NDUFA9: variants seen among roughly 807,000 people sequenced by gnomAD.
NDUFA9 encodes NADH:ubiquinone oxidoreductase subunit A9.
In NDUFA9, 23 loss-of-function variants were observed where a neutral mutation model predicts 45.9. That is an observed-to-expected ratio of 0.50 (90% CI 0.36 to 0.71). The LOEUF is 0.71. Ranked by LOEUF, NDUFA9 falls within the 30% of genes least tolerant of loss-of-function variation. The pLI, the probability that NDUFA9 is intolerant of heterozygous loss-of-function variation, is 0.00. For missense variants in NDUFA9, 466 were observed against 488.2 expected (o/e 0.95, Z 0.43); for synonymous variants, 176 against 170.5 (o/e 1.03, Z -0.25).
intron 8 of NDUFA9, among the ~76,000 whole-genome samples, chr12:4,679,137 G>A (rs544248741): frequency 6.6e-6 from 1 of 152,132 alleles, no homozygotes; most frequent in Non-Finnish European, 1.5e-5. Flanking sequence ...TCAAAAACAT[G>A]GTAAATGAAA....
chr12:4,684,987 T>C, intron 9 of NDUFA9: 1 of 600,394 alleles, frequency 1.7e-6, no homozygotes, highest in South Asian at 2.0e-5. Flanking sequence ...TGTTGTTTGT[T>C]GGTTTTATTT....
chr12:4,690,734 A>ATAC lies in NDUFA9; in HGVS notation c.*3628_*3629insCTA, dbSNP rs1274074658. On this transcript the variant is annotated 3_prime_UTR_variant, in exon 11 of 11. Transcript: ENST00000266544. Reference sequence around the variant, plus strand: ...AAAATAAATAATAATAATAATAATAATAAAGGTACATGATGGAAGCATATA... The same window carrying ATAC: ...AAAATAAATAATAATAATAATAATAATACTAAAGGTACATGATGGAAGCATATA... 6.6e-6 allele frequency: 1 copy of ATAC among 151,998 alleles called. No homozygotes were observed. Among genetic ancestry groups the ATAC allele is most frequent in the Non-Finnish European group, 1.5e-5 (1 of 68,026 alleles). 9.4% of individuals were successfully genotyped at this position (151,998 alleles called of 1,614,324 possible). A position where few individuals can be genotyped will look rare whatever the true frequency, so the allele number is the denominator to read the frequency against.
In NDUFA9 at chr12:4,659,085, C is replaced by G. The variant is rs1945808250; in HGVS notation, c.460C>G (p.Gln154Glu). The G allele has an allele frequency of 6.8e-6, 11 of 1,613,030 alleles. No individual in the cohort carries two copies. Among genetic ancestry groups the G allele is most frequent in the Non-Finnish European group, 9.3e-6 (11 of 1,179,168 alleles). The change falls in exon 5 of 11, where the codon CAA becomes GAA. Residue 154 changes from glutamine (Q) to glutamate (E), a missense_variant. By Grantham distance (29) the Gln-to-Glu change is conservative. Coordinates refer to ENST00000266544, the MANE Select transcript of NDUFA9 (RefSeq NM_005002.5). Reference sequence around the variant, plus strand: ...TGTGAAGATTCCCCAAGCAATTGCTCAACTGTCCAAGGAAGCTGGAGTTGA... The same window carrying G: ...TGTGAAGATTCCCCAAGCAATTGCTGAACTGTCCAAGGAAGCTGGAGTTGA... ...VFVKIPQAIA[Q>E]LSKEAGVEKF...
intron 5 of NDUFA9, among the ~76,000 whole-genome samples, chr12:4,660,282 C>T (rs1945816224): frequency 6.6e-6 from 1 of 152,138 alleles, no homozygotes; most frequent in Admixed American, 6.5e-5. Context: ...AACTTCAGCA[C>T]CAGTATTTTT....
chr12:4,674,951 A>G (rs1411873878), intron 8 of NDUFA9, among the ~76,000 whole-genome samples: 1 of 152,246 alleles, frequency 6.6e-6, no homozygotes, highest in African/African-American at 2.4e-5. Flanking sequence ...GCGAAAGAAC[A>G]GAAATCATAA....
chr12:4,657,534 G>A (rs369968114), intron 3 of NDUFA9: 3 of 520,444 alleles, frequency 5.8e-6, no homozygotes, highest in South Asian at 4.7e-5. Flanking sequence ...TGAGTAAAGT[G>A]TACTGTTACC....
chr12:4,686,143 T>C (rs572557984), intron 10 of NDUFA9, among the ~76,000 whole-genome samples: 86 of 152,210 alleles, frequency 5.7e-4, no homozygotes, highest in Non-Finnish European at 9.3e-4. Flanking sequence ...CTTGAGAAAG[T>C]GTTGATACAG....
chr12:4,655,694 C>T (rs1028236578), intron 3 of NDUFA9: 1 of 152,112 alleles, frequency 6.6e-6, no homozygotes, highest in Admixed American at 6.5e-5. Context: ...TTAGAACAGT[C>T]CTTTCTGAGC....
intron 8 of NDUFA9, 95 bp downstream of exon 8, chr12:4,669,912 A>T: frequency 1.1e-6 from 1 of 936,924 alleles, no homozygotes; most frequent in Non-Finnish European, 1.7e-6. Context: ...TTGCACTTTT[A>T]CAATATCAAA....
intron 8 of NDUFA9, among the ~76,000 whole-genome samples, chr12:4,673,213 G>A (rs928522906): frequency 1.3e-5 from 2 of 152,172 alleles, no homozygotes; most frequent in Non-Finnish European, 2.9e-5. Flanking sequence ...CCCAGCCGAA[G>A]GTCACTGACT....
chr12:4,664,169 C>T (rs1426678779), intron 6 of NDUFA9, among the ~76,000 whole-genome samples: 1 of 152,216 alleles, frequency 6.6e-6, no homozygotes, highest in African/African-American at 2.4e-5. Context: ...GGAAAATTCT[C>T]AGCTTATCCA....
At chr12:4,657,188 G>A (rs887672277) in intron 3 of NDUFA9, 1 of 152,482 alleles carries the variant, frequency 6.6e-6, no homozygotes, top group African/African-American at 2.4e-5. Context: ...AGTTCTCTTT[G>A]ACTCTTGTTT....
intron 5 of NDUFA9, among the ~76,000 whole-genome samples, chr12:4,660,150 G>A (rs1208833608): frequency 1.3e-5 from 2 of 152,088 alleles, no homozygotes; most frequent in Admixed American, 6.5e-5. Context: ...TGCTTGGGAG[G>A]GACTAGGCTG....
At chr12:4,671,966 G>A (rs1945889719) in intron 8 of NDUFA9, among the ~76,000 whole-genome samples, 1 of 152,148 alleles carries the variant, frequency 6.6e-6, no homozygotes, top group South Asian at 2.1e-4. Context: ...GGCTGAATAG[G>A]AACAGCTGCA....
chr12:4,668,695 C>T (rs1254878495), intron 7 of NDUFA9, 171 bp downstream of exon 7: 4 of 618,570 alleles, frequency 6.5e-6, no homozygotes, highest in Non-Finnish European at 1.2e-5. Flanking sequence ...TCTGTGTCTT[C>T]ACTTGTTCAT....
rs999842443 is a variant in NDUFA9, at chr12:4,649,145, T to C, written c.19T>C (p.Ser7Pro). The change falls in exon 1 of 11, where the codon TCC becomes CCC. Residue 7 changes from serine to proline, a missense_variant. Coordinates refer to ENST00000266544, the MANE Select transcript of NDUFA9 (RefSeq NM_005002.5). MAAAAQ[S>P]RVVRVLSMSR... ...GGAAAAGATGGCGGCTGCCGCACAA[T>C]CCCGGGTTGTCCGGGTCCTGTCAAT... 1.2e-5 allele frequency: 19 copies of C among 1,604,908 alleles called. No homozygotes were observed. Among genetic ancestry groups the C allele is most frequent in the African/African-American group, 1.1e-4 (8 of 74,818 alleles).
intron 9 of NDUFA9, chr12:4,685,028 G>C: frequency 1.6e-6 from 1 of 635,608 alleles, no homozygotes; most frequent in Non-Finnish European, 2.8e-6. Flanking sequence ...TTGTTTCTTT[G>C]GAGGAGAACA....
chr12:4,653,925 A>C (rs1945774121), intron 1 of NDUFA9, among the ~76,000 whole-genome samples: 2 of 151,932 alleles, frequency 1.3e-5, no homozygotes, highest in Admixed American at 1.3e-4. Flanking sequence ...ACCTTTCTCA[A>C]AACATTTTAT....
In NDUFA9 at chr12:4,689,152, G is replaced by C. The variant is rs1413401841; in HGVS notation, c.*2044G>C. ...CTATTTTGAAATGTACAGTAGATTA[G>C]TATTAACTCTAGTTACCCTACTGAT... On this transcript the variant is annotated 3_prime_UTR_variant, in exon 11 of 11. Transcript: ENST00000266544. 2.0e-5 allele frequency: 3 copies of C among 152,180 alleles called. No individual in the cohort carries two copies. Among genetic ancestry groups the C allele is most frequent in the African/African-American group, 4.8e-5 (2 of 41,448 alleles). The allele number at this position is 152,180 out of a possible 1,614,324, so 9.4% of individuals were successfully genotyped here.
Sources: allele counts gnomAD v4.1 joint callset (sites outside exome capture counted in the v4.1 genomes callset), GRCh38; gene constraint gnomAD v4.1.1; transcripts MANE v1.5; gene names NCBI Gene and HGNC (gene_info 2026-07-23, HGNC 2026-07-21).